The following THADA variants were observed in gnomAD, a reference collection of about 807,000 sequenced individuals.
The protein encoded by THADA is tRNA (32-2'-O)-methyltransferase regulator THADA.
Under a neutral mutation model 219.8 loss-of-function variants are expected in THADA, and 213 were observed. The observed-to-expected ratio is 0.97, with a 90% CI of 0.87 to 1.09. The LOEUF (loss-of-function observed/expected upper bound fraction) is 1.09. Ranked by LOEUF, THADA falls within the 50% of genes least tolerant of loss-of-function variation. The pLI, the probability that THADA is intolerant of heterozygous loss-of-function variation, is 0.00. For missense variants in THADA, 2,956 were observed against 2,311.3 expected, an observed-to-expected ratio of 1.28 and a Z score of -5.72; for synonymous variants, 1,018 against 828.9, an observed-to-expected ratio of 1.23 and a Z score of -3.92.
intron 29 of THADA, among the ~76,000 whole-genome samples, chr2:43,372,777 T>C (rs1229392633): frequency 6.6e-6 from 1 of 152,206 alleles, no homozygotes. Context: ...TGAGACAGAT[T>C]CTCACTCTGT....
chr2:43,476,276 G>T (rs1256166326), intron 26 of THADA, among the ~76,000 whole-genome samples: 1 of 152,190 alleles, frequency 6.6e-6, no homozygotes, highest in African/African-American at 2.4e-5. Flanking sequence ...AATGCACAAG[G>T]CCACTGGGTA....
chr2:43,533,622 C>A (rs1176596831), intron 21 of THADA, among the ~76,000 whole-genome samples: 1 of 152,186 alleles, frequency 6.6e-6, no homozygotes, highest in Non-Finnish European at 1.5e-5. Flanking sequence ...CCATCATCCT[C>A]AGCAAACTAA....
intron 21 of THADA, among the ~76,000 whole-genome samples, 154 bp downstream of exon 21, chr2:43,541,005 A>G (rs994027861): frequency 2.6e-5 from 4 of 152,222 alleles, no homozygotes; most frequent in African/African-American, 9.6e-5. Context: ...ATAAAGTCTA[A>G]CATTCTAAAT....
chr2:43,473,904 C>T (rs1024522309), intron 26 of THADA, among the ~76,000 whole-genome samples: 2 of 152,118 alleles, frequency 1.3e-5, no homozygotes, highest in African/African-American at 2.4e-5. Context: ...CCACCGCGCC[C>T]GGCCCATGCT....
At chr2:43,260,643 G>C (rs1670832958) in intron 36 of THADA, among the ~76,000 whole-genome samples, 1 of 152,150 alleles carries the variant, frequency 6.6e-6, no homozygotes, top group African/African-American at 2.4e-5. Flanking sequence ...GTTGTCATTG[G>C]CATAACGTAT....
intron 26 of THADA, among the ~76,000 whole-genome samples, chr2:43,435,840 T>A (rs1204309507): frequency 6.6e-6 from 1 of 151,122 alleles, no homozygotes; most frequent in Non-Finnish European, 1.5e-5. Context: ...GTTTTTTTTT[T>A]AACCTATTTT....
chr2:43,575,371 G>A (rs939417501), intron 10 of THADA, among the ~76,000 whole-genome samples: 1 of 152,124 alleles, frequency 6.6e-6, no homozygotes, highest in Admixed American at 6.5e-5. Flanking sequence ...GATTGCTTGA[G>A]CTCAGGAGTG....
intron 15 of THADA, chr2:43,565,488 C>A (rs1472775295): frequency 6.6e-6 from 1 of 150,902 alleles, no homozygotes; most frequent in Non-Finnish European, 1.5e-5. Flanking sequence ...ATTCATTGAA[C>A]CAGTCTTGAA....
chr2:43,456,084 C>T (rs527260875), intron 26 of THADA, among the ~76,000 whole-genome samples: 1 of 152,242 alleles, frequency 6.6e-6, no homozygotes, highest in South Asian at 2.1e-4. Context: ...AAATGTTTTA[C>T]CTAACCTTGC....
chr2:43,506,080 G>C (rs1287964990), intron 23 of THADA, among the ~76,000 whole-genome samples: 1 of 152,124 alleles, frequency 6.6e-6, no homozygotes, highest in Non-Finnish European at 1.5e-5. Context: ...AAACAAATCA[G>C]TTTCAGTAAC....
chr2:43,293,609 G>A (rs1328350885), intron 31 of THADA, among the ~76,000 whole-genome samples: 2 of 152,090 alleles, frequency 1.3e-5, no homozygotes, highest in East Asian at 1.9e-4. Context: ...GAAGCTCTTG[G>A]TTGAACCCTA....
At chr2:43,280,001 C>T in intron 35 of THADA, 105 bp from the exon 36 acceptor site, 5 of 1,123,652 alleles carry the variant, frequency 4.4e-6, no homozygotes, top group Non-Finnish European at 5.9e-6. Context: ...GAATGAGTTA[C>T]AGCTATCTCT....
chr2:43,383,241 G>GA (rs1672252806), intron 29 of THADA, among the ~76,000 whole-genome samples: 1 of 152,146 alleles, frequency 6.6e-6, no homozygotes, highest in Admixed American at 6.5e-5. Context: ...TTGGAAAAGC[G>GA]AATCAAACCA....
intron 24 of THADA, among the ~76,000 whole-genome samples, chr2:43,500,193 A>G (rs1044540466): frequency 6.6e-6 from 1 of 152,128 alleles, no homozygotes; most frequent in Non-Finnish European, 1.5e-5. Flanking sequence ...ATTTATGTAA[A>G]ACTCAAAAAA....
chr2:43,410,395 T>C (rs1464154993), intron 28 of THADA, among the ~76,000 whole-genome samples: 4 of 152,324 alleles, frequency 2.6e-5, no homozygotes, highest in Non-Finnish European at 5.9e-5. Context: ...GTATTTACAC[T>C]AGAGAAATGA....
intron 29 of THADA, among the ~76,000 whole-genome samples, chr2:43,386,511 G>C (rs1254360194): frequency 6.6e-6 from 1 of 152,106 alleles, no homozygotes; most frequent in Non-Finnish European, 1.5e-5. Context: ...ACTACTTTGA[G>C]AGTCAAGTGA....
At chr2:43,306,932 T>C (rs886980003) in intron 31 of THADA, among the ~76,000 whole-genome samples, 1 of 152,182 alleles carries the variant, frequency 6.6e-6, no homozygotes, top group East Asian at 1.9e-4. Context: ...ATGTGACTAT[T>C]CACAATTTTT....
chr2:43,590,914 C>G lies in THADA; in HGVS notation c.212G>C (p.Cys71Ser). 3 of 1,613,726 alleles carry G rather than the reference C, an allele frequency of 1.9e-6. No homozygotes were observed. Among genetic ancestry groups the G allele is most frequent in the Middle Eastern group, 3.3e-4 (2 of 6,054 alleles). ...CAAACAACTTTGAATAGTGGGATCACACATGCCATTTTTATCTGCTTTCTC... is the reference window on the plus strand; with the variant it reads ...CAAACAACTTTGAATAGTGGGATCAGACATGCCATTTTTATCTGCTTTCTC... ...LLEKADKNGM[C>S]DPTIQSCLDI... Residue 71 changes from cysteine (C) to serine (S), a missense_variant, in exon 4 of 38, where the codon TGT (cysteine) becomes TCT (serine). Physicochemically the swap from Cys to Ser is moderately radical, Grantham distance 112. Transcript: ENST00000405975.
chr2:43,306,809 G>A (rs759252817), intron 31 of THADA, among the ~76,000 whole-genome samples: 1 of 152,242 alleles, frequency 6.6e-6, no homozygotes, highest in Non-Finnish European at 1.5e-5. Flanking sequence ...GAGCCTGGGA[G>A]TCAGGATCCA....
Sources: allele counts gnomAD v4.1 joint callset (sites outside exome capture counted in the v4.1 genomes callset), GRCh38; gene constraint gnomAD v4.1.1; transcripts MANE v1.5; gene names NCBI Gene and HGNC (gene_info 2026-07-23, HGNC 2026-07-21).